Variants in MACROD2 observed in about 807,000 individuals in gnomAD.
MACROD2 encodes the protein mono-ADP ribosylhydrolase 2.
MACROD2 carries 36 observed loss-of-function variants against 70.4 expected under a neutral mutation model. That is an observed-to-expected ratio of 0.51 (90% CI 0.39 to 0.68). The LOEUF is 0.68. Ranked by LOEUF, MACROD2 falls within the 30% of genes least tolerant of loss-of-function variation. The pLI is 0.00. For missense variants in MACROD2, 496 were observed against 538.4 expected (o/e 0.92, Z 0.78); for synonymous variants, 172 against 178.8 (o/e 0.96, Z 0.30).
intron 3 of MACROD2, among the ~76,000 whole-genome samples, chr20:14,431,617 C>A (rs1458588187): frequency 6.6e-6 from 1 of 152,080 alleles, no homozygotes; most frequent in African/African-American, 2.4e-5. Flanking sequence ...ATTAATATTT[C>A]TCTTGTCTTT....
At chr20:15,177,189 G>C (rs1357001935) in intron 5 of MACROD2, among the ~76,000 whole-genome samples, 1 of 152,208 alleles carries the variant, frequency 6.6e-6, no homozygotes, top group Non-Finnish European at 1.5e-5. Flanking sequence ...GGGCCGAGTG[G>C]GTGGAATGAG....
At chr20:14,464,213 C>T (rs1211195414) in intron 3 of MACROD2, among the ~76,000 whole-genome samples, 3 of 151,942 alleles carry the variant, frequency 2.0e-5, no homozygotes, top group African/African-American at 7.3e-5. Context: ...AATTTCAGAG[C>T]CTGTTATTGG....
chr20:14,837,341 C>A (rs926216904), intron 5 of MACROD2, among the ~76,000 whole-genome samples: 2 of 151,770 alleles, frequency 1.3e-5, no homozygotes, highest in Non-Finnish European at 2.9e-5. Flanking sequence ...AATCTTGTTG[C>A]AGTAATGGAG....
At chr20:15,474,285 T>C (rs1440948210) in intron 7 of MACROD2, among the ~76,000 whole-genome samples, 1 of 152,204 alleles carries the variant, frequency 6.6e-6, no homozygotes, top group Non-Finnish European at 1.5e-5. Flanking sequence ...TCATTCTACG[T>C]TTGTGGATGT....
At chr20:15,932,967 T>A (rs1352967526) in intron 10 of MACROD2, among the ~76,000 whole-genome samples, 1 of 152,044 alleles carries the variant, frequency 6.6e-6, no homozygotes, top group Non-Finnish European at 1.5e-5. Context: ...TGGACTGGAG[T>A]TGAAGTTTCT....
In MACROD2 at chr20:16,052,113, C is replaced by G. The variant is rs970154945; in HGVS notation, c.*2237C>G. On this transcript the variant is annotated 3_prime_UTR_variant, in exon 18 of 18. Transcript: ENST00000684519. ...GAATGAGGAATAAATATCTTCAGCC[C>G]GACTCCTGAATTTGTTTATTCTTCC... is the stretch of plus-strand genomic sequence containing the variant. 6.6e-6 allele frequency: 1 copy of G among 152,084 alleles called. No individual in the cohort carries two copies. The highest frequency in any genetic ancestry group is 6.5e-5 in the Admixed American group (1 of 15,270). The allele number at this position is 152,084 out of a possible 1,614,324, so 9.4% of individuals were successfully genotyped here.
chr20:14,862,649 ATATATAAAT>A, intron 5 of MACROD2, among the ~76,000 whole-genome samples: 1 of 50,430 alleles, frequency 2.0e-5, no homozygotes, highest in African/African-American at 7.2e-5. Flanking sequence ...ATAAATATAT[ATATATAAAT>A]ATATATATAA....
Position 15,885,890 on chromosome 20 carries a change from C to A in MACROD2, c.775+79C>A, listed in dbSNP as rs190692474. Reference sequence around the variant, plus strand: ...TTATGTACACTTCATATTTTTTCAACGAAAGACAAAATAAGATTAATAAAA... The same window carrying A: ...TTATGTACACTTCATATTTTTTCAAAGAAAGACAAAATAAGATTAATAAAA... On this transcript the variant is annotated intron_variant, in intron 10 of 17. Transcript: ENST00000684519. 5.2e-6 allele frequency: 7 copies of A among 1,339,336 alleles called. No individual in the cohort carries two copies. In the African/African-American group the frequency reaches 6.2e-5, roughly 12 times the overall value. The allele number at this position is 1,339,336 out of a possible 1,614,324, so 83.0% of individuals were successfully genotyped here.
intron 3 of MACROD2, among the ~76,000 whole-genome samples, chr20:14,230,938 G>A (rs1188171419): frequency 6.6e-6 from 1 of 151,212 alleles, no homozygotes. Context: ...GTAGATCAGA[G>A]CTTTTGGGTG....
chr20:15,227,831 T>TTTG (rs2076922308), intron 5 of MACROD2, among the ~76,000 whole-genome samples: 1 of 126,024 alleles, frequency 7.9e-6, no homozygotes, highest in African/African-American at 3.2e-5. Context: ...CTGTTTTTTT[T>TTTG]TTTTTTTTTT....
intron 8 of MACROD2, among the ~76,000 whole-genome samples, chr20:15,734,191 T>G (rs1402620409): frequency 6.6e-6 from 1 of 152,172 alleles, no homozygotes; most frequent in Non-Finnish European, 1.5e-5. Context: ...CACTAAGACC[T>G]GGGCGAGGTT....
chr20:15,453,249 A>G (rs1460533479), intron 7 of MACROD2, among the ~76,000 whole-genome samples: 2 of 152,024 alleles, frequency 1.3e-5, no homozygotes, highest in Non-Finnish European at 2.9e-5. Context: ...AAGATACATA[A>G]TAACTTTCTA....
At position 14,175,797 on chromosome 20, in the gene MACROD2, G is replaced by T. The variant is rs114264199; in HGVS notation, c.271+90069G>T. 5.4e-3 allele frequency among the ~76,000 whole-genome samples: 820 copies of T among 152,232 alleles called. 8 individuals are homozygous for T. The highest frequency in any genetic ancestry group is 0.037 in the Middle Eastern group (11 of 294). On this transcript the variant is annotated intron_variant, in intron 3 of 17. Transcript: ENST00000684519. ...TAAAATCAGAGCAAGCAGATATTGG[G>T]TGACAGCTTCAAAAACTGTCTTCTG...
chr20:14,393,867 A>G (rs141899811), intron 3 of MACROD2, among the ~76,000 whole-genome samples: 125 of 152,264 alleles, frequency 8.2e-4, no homozygotes, highest in African/African-American at 2.9e-3. Flanking sequence ...GTGGAGCCCT[A>G]TGTTAGGATT....
intron 3 of MACROD2, among the ~76,000 whole-genome samples, chr20:14,354,117 TTC>T (rs1358763518): frequency 5.9e-5 from 9 of 152,202 alleles, no homozygotes; most frequent in African/African-American, 2.2e-4. Flanking sequence ...CCTTAGAATT[TTC>T]TGTTTCTATT....
At chr20:14,359,193 CAAACAAACAAACAAACAAAAA>C (rs2083199811) in intron 3 of MACROD2, among the ~76,000 whole-genome samples, 1 of 151,682 alleles carries the variant, frequency 6.6e-6, no homozygotes, top group African/African-American at 2.4e-5. Flanking sequence ...GTCTCAAAAA[CAAACAAACAAACAAACAAAAA>C]ACACCTAGAT....
intron 3 of MACROD2, among the ~76,000 whole-genome samples, chr20:14,319,459 C>T (rs541935021): frequency 6.6e-6 from 1 of 152,238 alleles, no homozygotes; most frequent in East Asian, 1.9e-4. Flanking sequence ...TGTTCACTTC[C>T]TTTTTTTCTA....
intron 5 of MACROD2, among the ~76,000 whole-genome samples, chr20:15,016,757 G>T (rs539281379): frequency 6.6e-6 from 1 of 152,094 alleles, no homozygotes; most frequent in Non-Finnish European, 1.5e-5. Flanking sequence ...GAGGCAAAAC[G>T]CTTGTCTTAC....
chr20:15,522,274 G>A (rs188130203), intron 8 of MACROD2, among the ~76,000 whole-genome samples: 31 of 152,198 alleles, frequency 2.0e-4, no homozygotes, highest in Admixed American at 3.3e-4. Flanking sequence ...ACCATGCCTG[G>A]ATCATATGGA....
Sources: allele counts gnomAD v4.1 joint callset (sites outside exome capture counted in the v4.1 genomes callset), GRCh38; gene constraint gnomAD v4.1.1; transcripts MANE v1.5; gene names NCBI Gene and HGNC (gene_info 2026-07-23, HGNC 2026-07-21).